The following ADGRL2 variants were observed in gnomAD, a reference collection of about 807,000 sequenced individuals.
The protein encoded by ADGRL2 is adhesion G protein-coupled receptor L2.
In ADGRL2, 44 loss-of-function variants were observed where a neutral mutation model predicts 157.4. That is an observed-to-expected ratio of 0.28 (90% CI 0.22 to 0.36). ADGRL2 has a LOEUF of 0.36. Among genes scored for constraint, ADGRL2 ranks in the 10% least tolerant of loss-of-function variants. The pLI, the probability that ADGRL2 is intolerant of heterozygous loss-of-function variation, is 1.00. For missense variants in ADGRL2, 1,510 were observed against 1,768.9 expected, an observed-to-expected ratio of 0.85 and a Z score of 2.63; for synonymous variants, 585 against 624.7, an observed-to-expected ratio of 0.94 and a Z score of 0.95.
chr1:81,950,889 T>G, intron 7 of ADGRL2, 129 bp from the exon 8 acceptor site: 1 of 653,568 alleles, frequency 1.5e-6, no homozygotes, highest in South Asian at 1.9e-5. Flanking sequence ...TTTTTGTCAC[T>G]TATTGTCAAA....
At chr1:81,457,958 A>T (rs1321903477) in intron 2 of ADGRL2, among the ~76,000 whole-genome samples, 2 of 152,210 alleles carry the variant, frequency 1.3e-5, no homozygotes, top group East Asian at 1.9e-4. Flanking sequence ...CAAAATTGGC[A>T]TCCTAACTTC....
At chr1:81,479,047 A>G (rs11163303) in intron 2 of ADGRL2, among the ~76,000 whole-genome samples, 88,281 of 152,032 alleles carry the variant, frequency 0.58, 28,536 homozygotes, top group Non-Finnish European at 0.73. Flanking sequence ...ACATCTTATT[A>G]TATATTGTGT....
intron 3 of ADGRL2, among the ~76,000 whole-genome samples, chr1:81,582,735 G>A (rs950187357): frequency 5.3e-5 from 8 of 152,062 alleles, no homozygotes; most frequent in Admixed American, 1.3e-4. Context: ...ACAATCCTTC[G>A]TAAAATTCAG....
chr1:81,860,885 A>C (rs1246050872), intron 2 of ADGRL2, among the ~76,000 whole-genome samples: 2 of 152,170 alleles, frequency 1.3e-5, no homozygotes, highest in Admixed American at 1.3e-4. Context: ...TTATCTTATG[A>C]AACTACTTTC....
At chr1:81,678,067 C>T (rs2083032556) in intron 3 of ADGRL2, among the ~76,000 whole-genome samples, 1 of 152,152 alleles carries the variant, frequency 6.6e-6, no homozygotes, top group African/African-American at 2.4e-5. Context: ...GCTGAAATGT[C>T]ACCTCCCATA....
In ADGRL2 at chr1:81,970,453, A is replaced by G. The variant is rs750440366; in HGVS notation, c.2873A>G (p.Tyr958Cys). The G allele has an allele frequency of 1.9e-6, 3 of 1,566,220 alleles. No homozygotes were observed. Among genetic ancestry groups the G allele is most frequent in the East Asian group, 4.6e-5 (2 of 43,866 alleles). ...ESEYSRKKYY[Y>C]VAGYLFPATV... ...GAATATTCAAGGAAAAAATATTACT[A>G]TGTTGCTGGTTACTTGTTTCCTGCC... The change falls in exon 16 of 24, where the codon TAT becomes TGT. Residue 958 changes from tyrosine to cysteine, a missense_variant. Physicochemically the swap from Tyr to Cys is radical, Grantham distance 194. Coordinates refer to ENST00000686636, the MANE Select transcript of ADGRL2 (RefSeq NM_001366006.2).
intron 1 of ADGRL2, among the ~76,000 whole-genome samples, chr1:81,741,310 T>C (rs1413039764): frequency 6.6e-6 from 1 of 152,032 alleles, no homozygotes; most frequent in Non-Finnish European, 1.5e-5. Context: ...AGTCATCTTA[T>C]TTTTAGAAAA....
Position 81,951,052 on chromosome 1 carries a change from A to G in ADGRL2, c.1539A>G (p.Gly513=). 1.9e-6 allele frequency: 3 copies of G among 1,613,290 alleles called. No individual in the cohort carries two copies. The highest frequency in any genetic ancestry group is 2.5e-6 in the Non-Finnish European group (3 of 1,179,332). ...TASYLCMIST[G]TWNPKGPDLS... is the part of the protein sequence containing the mutation. Reference sequence around the variant, plus strand: ...CATATCTCTGCATGATTTCCACTGGAACATGGAACCCTAAGGGCCCCGATC... The same window carrying G: ...CATATCTCTGCATGATTTCCACTGGGACATGGAACCCTAAGGGCCCCGATC... The change falls in exon 8 of 24, where the codon GGA becomes GGG. Residue 513 remains glycine, a synonymous_variant. Transcript: ENST00000686636.
chr1:81,482,085 GA>G (rs1169514082), intron 2 of ADGRL2, among the ~76,000 whole-genome samples: 1 of 152,088 alleles, frequency 6.6e-6, no homozygotes, highest in Non-Finnish European at 1.5e-5. Flanking sequence ...AAGTTGCCTT[GA>G]AAAATAAAAA....
In ADGRL2 at chr1:81,943,920, T is replaced by C. The variant is rs1044686405; in HGVS notation, c.1210+151T>C. ...GTGGTACATTTTAGCCTTATTATGG[T>C]TCGTTTTCTTTTTCTCAATTTCTTC... On this transcript the variant is annotated intron_variant, in intron 6 of 23. Transcript: ENST00000686636. This position sits in a 1 kb window ranked among gnomAD's most constrained non-coding sequence, Gnocchi z 5.6. 3 of 618,256 alleles carry C rather than the reference T, an allele frequency of 4.9e-6. No homozygotes were observed. The highest frequency in any genetic ancestry group is 8.2e-6 in the Non-Finnish European group (3 of 365,588). The allele number at this position is 618,256 out of a possible 1,614,324, so 38.3% of individuals were successfully genotyped here.
chr1:81,325,590 A>T (rs1660841814), intron 1 of ADGRL2, among the ~76,000 whole-genome samples: 1 of 152,230 alleles, frequency 6.6e-6, no homozygotes, highest in South Asian at 2.1e-4. Flanking sequence ...TCTCCCAGGT[A>T]AATGAAGGTC....
chr1:81,320,710 A>G (rs1468598946), intron 1 of ADGRL2, among the ~76,000 whole-genome samples: 1 of 152,224 alleles, frequency 6.6e-6, no homozygotes, highest in Non-Finnish European at 1.5e-5. Flanking sequence ...TCAGTAAACC[A>G]TGCTGTAAGC....
chr1:81,579,553 G>T (rs771242042), intron 2 of ADGRL2, among the ~76,000 whole-genome samples: 1 of 152,104 alleles, frequency 6.6e-6, no homozygotes, highest in Non-Finnish European at 1.5e-5. Flanking sequence ...TGGTGAAAAA[G>T]TGCAAACCTA....
chr1:81,377,111 G>A (rs781425088), intron 1 of ADGRL2, among the ~76,000 whole-genome samples: 12 of 152,222 alleles, frequency 7.9e-5, no homozygotes, highest in East Asian at 5.8e-4. Context: ...TGGGAGGATC[G>A]CTTAGGCCCA....
chr1:81,653,469 G>A (rs1351070678), intron 3 of ADGRL2, among the ~76,000 whole-genome samples: 2 of 151,960 alleles, frequency 1.3e-5, no homozygotes, highest in East Asian at 3.9e-4. Flanking sequence ...GAAAAGGGGA[G>A]AATTTCACTC....
intron 16 of ADGRL2, among the ~76,000 whole-genome samples, chr1:81,971,473 T>C (rs1658727920): frequency 6.6e-6 from 1 of 152,162 alleles, no homozygotes; most frequent in African/African-American, 2.4e-5. Flanking sequence ...CAGACAGATC[T>C]GAAAGGCAAA....
rs541720366 is a variant in ADGRL2, at chr1:81,717,322, A to ATGGC, written c.-143+17516_-143+17519dup. 1.7e-3 allele frequency among the ~76,000 whole-genome samples: 257 copies of ATGGC among 152,306 alleles called. 1 individual carries two copies. The highest frequency in any genetic ancestry group is 1.9e-3 in the Non-Finnish European group (132 of 68,030). ...TCTCTCCTTTGGAAAGAGGCACAGC[A>ATGGC]TGGCTCCCAAAAGGCCAACTACAAG... is the stretch of plus-strand genomic sequence containing the variant. On this transcript the variant is annotated intron_variant, in intron 1 of 20. Coordinates refer to the ADGRL2 transcript ENST00000359929.
intron 3 of ADGRL2, among the ~76,000 whole-genome samples, chr1:81,918,125 T>C (rs985882359): frequency 3.9e-5 from 6 of 152,176 alleles, no homozygotes; most frequent in African/African-American, 1.4e-4. Flanking sequence ...CTAGGTTTAG[T>C]GGAGTTATTT....
At chr1:81,765,279 C>CT (rs34246956) in intron 2 of ADGRL2, among the ~76,000 whole-genome samples, 1 of 151,672 alleles carries the variant, frequency 6.6e-6, no homozygotes, top group South Asian at 2.1e-4. Context: ...ATATAATTTC[C>CT]TTTTTTGCAT....
Sources: allele counts gnomAD v4.1 joint callset (sites outside exome capture counted in the v4.1 genomes callset), GRCh38; gene constraint gnomAD v4.1.1; non-coding constraint Gnocchi (gnomAD v3.1); transcripts MANE v1.5; gene names NCBI Gene and HGNC (gene_info 2026-07-23, HGNC 2026-07-21).